Variants in CNGB1 observed in about 807,000 individuals in gnomAD.
The protein encoded by CNGB1 is cyclic nucleotide gated channel subunit beta 1.
CNGB1 carries 126 observed loss-of-function variants against 151.7 expected under a neutral mutation model. The observed-to-expected ratio is 0.83, with a 90% CI of 0.72 to 0.96. The LOEUF is 0.96. CNGB1 is among the 40% of genes least tolerant of loss of function. The pLI is 0.00. For synonymous variants in CNGB1, 623 were observed against 635.1 expected, an observed-to-expected ratio of 0.98 and a Z score of 0.29; for missense variants, 1,698 against 1,627.0, an observed-to-expected ratio of 1.04 and a Z score of -0.75.
intron 25 of CNGB1, among the ~76,000 whole-genome samples, chr16:57,908,464 C>A (rs1322111527): frequency 6.6e-6 from 1 of 152,264 alleles, no homozygotes; most frequent in Non-Finnish European, 1.5e-5. Context: ...GTGAGTAACT[C>A]CCCGCTGGAC....
At chr16:57,962,219 G>GT (rs1962275806) in intron 7 of CNGB1, among the ~76,000 whole-genome samples, 1 of 152,144 alleles carries the variant, frequency 6.6e-6, no homozygotes, top group African/African-American at 2.4e-5. Flanking sequence ...GCACCCTGAT[G>GT]TCCCCCACAG....
At chr16:57,888,718 T>C (rs1404965211) in intron 31 of CNGB1, among the ~76,000 whole-genome samples, 1 of 151,838 alleles carries the variant, frequency 6.6e-6, no homozygotes, top group African/African-American at 2.4e-5. Context: ...TCCCAAAGTG[T>C]TGAAATTACA....
At position 57,929,308 on chromosome 16, in the gene CNGB1, A is replaced by G. The variant is rs185047750; in HGVS notation, c.1535+2408T>C. On this transcript the variant is annotated intron_variant, in intron 17 of 32. Transcript: ENST00000251102. Reference sequence around the variant, plus strand: ...TCACACTGCTATAAAGGACTACCTGAGACTGGATAATTTACAAAGGAAAGA... The same window carrying G: ...TCACACTGCTATAAAGGACTACCTGGGACTGGATAATTTACAAAGGAAAGA... 2.2e-3 allele frequency among the ~76,000 whole-genome samples: 328 copies of G among 152,300 alleles called. 1 individual carries two copies. Among genetic ancestry groups the G allele is most frequent in the South Asian group, 0.011 (51 of 4,822 alleles).
In CNGB1 at chr16:57,949,452, T is replaced by C; in HGVS notation, c.1035-13A>G. The C allele has an allele frequency of 1.9e-6, 3 of 1,613,660 alleles. No homozygotes were observed. Among genetic ancestry groups the C allele is most frequent in the African/African-American group, 2.7e-5 (2 of 75,054 alleles). On this transcript the variant is annotated splice_polypyrimidine_tract_variant and intron_variant, in intron 13 of 32. Transcript: ENST00000251102. ...CCGGGACAGCTCTCTGAGTTGGGGT[T>C]AGAGGCAGGAGGTGAGCCCACCCGA... is the stretch of plus-strand genomic sequence containing the variant.
chr16:57,884,249 C>CCGAGCACCGA lies in CNGB1; in HGVS notation c.3670_3671insTCGGTGCTCG (p.Arg1224IlefsTer72). 6.2e-7 allele frequency: 1 copy of CCGAGCACCGA among 1,613,920 alleles called. No homozygotes were observed. The highest frequency in any genetic ancestry group is 8.5e-7 in the Non-Finnish European group (1 of 1,179,922). ...CTCCGGGCCCGGGCTCATGCAGATC[C>CCGAGCACCGA]TCACCGAGTGCTCTTCGGGCTCGGC... is the stretch of plus-strand genomic sequence containing the variant. On this transcript the variant is annotated frameshift_variant, in exon 33 of 33. Transcript: ENST00000251102. LOFTEE classifies it low-confidence loss of function (END_TRUNC).
rs557138559 is a variant in CNGB1 at position 57,968,990 on chromosome 16, G to C, written c.-8-1696C>G. ...ACTGCACTTCTGCCTGGGTAACAAA[G>C]CAAGATCCTGTCTCAAAAAAAGAAA... On this transcript the variant is annotated intron_variant, in intron 1 of 32. Coordinates refer to ENST00000251102, the MANE Select transcript of CNGB1 (RefSeq NM_001297.5). 7.8e-4 allele frequency among the ~76,000 whole-genome samples: 117 copies of C among 150,080 alleles called. 1 individual carries two copies. The highest frequency in any genetic ancestry group is 2.8e-3 in the African/African-American group (112 of 40,702).
intron 15 of CNGB1, 147 bp from the exon 16 acceptor site, chr16:57,939,739 C>A: frequency 9.1e-7 from 1 of 1,103,836 alleles, no homozygotes; most frequent in Non-Finnish European, 1.4e-6. Flanking sequence ...TGCCAGCCCA[C>A]CTTCTGGGCA....
At position 57,903,819 on chromosome 16, in the gene CNGB1, T is replaced by C. The variant is rs1454218315; in HGVS notation, c.2794+3A>G. 3.1e-6 allele frequency: 5 copies of C among 1,614,044 alleles called. No individual in the cohort carries two copies. The South Asian group carries it at 5.5e-5, about 18-fold the overall frequency. On this transcript the variant is annotated splice_donor_region_variant and intron_variant, in intron 27 of 32. Transcript: ENST00000251102. ...GGTGGCTGCCAGGGCGTGACCATCTTACCCAGCATGCCTTGCGAGTGCCAG... is the reference window on the plus strand; with the variant it reads ...GGTGGCTGCCAGGGCGTGACCATCTCACCCAGCATGCCTTGCGAGTGCCAG...
chr16:57,886,141 A>G (rs756859675), intron 32 of CNGB1, among the ~76,000 whole-genome samples: 1 of 152,118 alleles, frequency 6.6e-6, no homozygotes, highest in Non-Finnish European at 1.5e-5. Flanking sequence ...TGGGTCATGG[A>G]GCTAGTGGGT....
intron 7 of CNGB1, among the ~76,000 whole-genome samples, chr16:57,961,525 C>T (rs1352863385): frequency 6.6e-6 from 1 of 152,100 alleles, no homozygotes; most frequent in Non-Finnish European, 1.5e-5. Context: ...CTGGTGAGTC[C>T]TCTAGGTGCC....
chr16:57,898,066 G>C, intron 29 of CNGB1, 152 bp from the exon 30 acceptor site: 1 of 772,150 alleles, frequency 1.3e-6, no homozygotes, highest in Non-Finnish European at 2.3e-6. Context: ...TCGTGTGGGG[G>C]CAGTCACTTC....
chr16:57,901,576 G>A lies in CNGB1; in HGVS notation c.2844C>T (p.Leu948=), dbSNP rs376791249. 16 of 1,614,160 alleles carry A rather than the reference G, an allele frequency of 9.9e-6. No homozygotes were observed. Among genetic ancestry groups the A allele is most frequent in the East Asian group, 8.9e-5 (4 of 44,884 alleles). ...CGATGTTGTAGTTCACGTCGATGGCGAGGTCCAGCCGCATCTTGTCTGGAA... is the reference window on the plus strand; with the variant it reads ...CGATGTTGTAGTTCACGTCGATGGCAAGGTCCAGCCGCATCTTGTCTGGAA... ...VQLPDKMRLD[L]AIDVNYNIVS... The change falls in exon 28 of 33, where the codon CTC becomes CTT. Residue 948 remains leucine (L), a synonymous_variant. Transcript: ENST00000251102.
intron 17 of CNGB1, among the ~76,000 whole-genome samples, chr16:57,929,536 A>C (rs1961289237): frequency 6.6e-6 from 1 of 152,126 alleles, no homozygotes; most frequent in African/African-American, 2.4e-5. Context: ...ATTGACTCAC[A>C]GTACCACAGG....
At chr16:57,921,217 CTTTTTTTTTTTT>C (rs1185678390) in intron 18 of CNGB1, among the ~76,000 whole-genome samples, 19 of 90,142 alleles carry the variant, frequency 2.1e-4, no homozygotes, top group Non-Finnish European at 3.5e-4. Context: ...AAATGAGGCT[CTTTTTTTTTTTT>C]TTTTTTTTTT....
chr16:57,932,400 C>CTTTTTTTT (rs36048770), intron 16 of CNGB1, among the ~76,000 whole-genome samples: 1 of 124,504 alleles, frequency 8.0e-6, no homozygotes, highest in African/African-American at 3.1e-5. Flanking sequence ...CTTAAAGATT[C>CTTTTTTTT]TTTTTTTTTT....
intron 18 of CNGB1, among the ~76,000 whole-genome samples, chr16:57,922,672 G>A (rs993954785): frequency 6.6e-6 from 1 of 151,286 alleles, no homozygotes; most frequent in African/African-American, 2.4e-5. Flanking sequence ...CAGGTGATCC[G>A]CCCACCTCAG....
chr16:57,917,472 C>G lies in CNGB1; in HGVS notation c.1962G>C (p.Leu654=). Residue 654 remains leucine, a synonymous_variant, in exon 21 of 33, where the codon CTG becomes CTC. Transcript: ENST00000251102. ...FPQSIDPLTN[L]MYVLWLFFVV... is the part of the protein sequence containing the mutation. ...CGAAGAACAGCCATAGGACATACAT[C>G]AGGTCTGTGGGGAAGGTTGACGGGG... 2 of 1,614,078 alleles carry G rather than the reference C, an allele frequency of 1.2e-6. No individual in the cohort carries two copies. Among genetic ancestry groups the G allele is most frequent in the Non-Finnish European group, 1.7e-6 (2 of 1,180,030 alleles).
intron 12 of CNGB1, among the ~76,000 whole-genome samples, chr16:57,953,444 G>A (rs563328153): frequency 2.1e-5 from 3 of 145,926 alleles, no homozygotes; most frequent in African/African-American, 7.7e-5. Flanking sequence ...GCAGTGAGCC[G>A]AGATCACACC....
At chr16:57,953,920 G>C (rs1470691932) in intron 12 of CNGB1, among the ~76,000 whole-genome samples, 2 of 152,054 alleles carry the variant, frequency 1.3e-5, no homozygotes, top group Non-Finnish European at 2.9e-5. Flanking sequence ...CAAATTCCCA[G>C]CTCCCGGTAC....
Sources: gnomAD v4.1 joint callset for allele counts (sites outside exome capture counted in the v4.1 genomes callset) on GRCh38, gnomAD v4.1.1 for gene constraint, MANE v1.5 for transcripts, NCBI Gene and HGNC (gene_info 2026-07-23, HGNC 2026-07-21) for gene names.